Variants in ATP10D observed in about 807,000 individuals in gnomAD.
The protein encoded by ATP10D is phospholipid-transporting ATPase VD.
Under a neutral mutation model 144.8 loss-of-function variants are expected in ATP10D, and 89 were observed. That is an observed-to-expected ratio of 0.61 (90% CI 0.52 to 0.73). ATP10D has a LOEUF of 0.73. Ranked by LOEUF, ATP10D falls within the 30% of genes least tolerant of loss-of-function variation. The probability of loss-of-function intolerance (pLI) is 0.00; values close to 1 mark genes in which losing one functional copy is unlikely to be tolerated. For missense variants in ATP10D, 1,603 were observed against 1,714.8 expected, an observed-to-expected ratio of 0.93 and a Z score of 1.15; for synonymous variants, 571 against 615.1, an observed-to-expected ratio of 0.93 and a Z score of 1.06.
intron 1 of ATP10D, among the ~76,000 whole-genome samples, chr4:47,495,461 A>G (rs1162942665): frequency 6.6e-6 from 1 of 152,222 alleles, no homozygotes; most frequent in Admixed American, 6.5e-5. Flanking sequence ...ATTAAAATGA[A>G]GTTCTGTTTT....
chr4:47,586,679 C>T (rs1259133215), intron 21 of ATP10D, among the ~76,000 whole-genome samples: 1 of 151,974 alleles, frequency 6.6e-6, no homozygotes, highest in Non-Finnish European at 1.5e-5. Flanking sequence ...GAACCTGTTT[C>T]CAGTTAACAA....
intron 3 of ATP10D, among the ~76,000 whole-genome samples, chr4:47,521,488 C>G (rs1339620892): frequency 6.6e-6 from 1 of 152,156 alleles, no homozygotes. Flanking sequence ...TCATTCCTCC[C>G]CTGAATTATT....
chr4:47,588,888 AAATGAC>A (rs1720906848), intron 22 of ATP10D, among the ~76,000 whole-genome samples: 1 of 152,206 alleles, frequency 6.6e-6, no homozygotes, highest in East Asian at 1.9e-4. Flanking sequence ...GTATGCTAAA[AAATGAC>A]TCCCTAAAAG....
At chr4:47,516,781 A>G (rs1716711100) in intron 3 of ATP10D, among the ~76,000 whole-genome samples, 2 of 151,768 alleles carry the variant, frequency 1.3e-5, no homozygotes, top group Admixed American at 1.3e-4. Context: ...ACTCATGTCC[A>G]GTCTAAACGA....
At chr4:47,517,679 C>G (rs1316778001) in intron 3 of ATP10D, among the ~76,000 whole-genome samples, 1 of 152,094 alleles carries the variant, frequency 6.6e-6, no homozygotes, top group Non-Finnish European at 1.5e-5. Flanking sequence ...TGACTATTTG[C>G]TAGAGTTTAT....
intron 1 of ATP10D, among the ~76,000 whole-genome samples, chr4:47,500,607 C>T (rs975021311): frequency 6.6e-6 from 1 of 152,192 alleles, no homozygotes; most frequent in Non-Finnish European, 1.5e-5. Flanking sequence ...AAGAAGGGAG[C>T]TGCCATTAGC....
Position 47,509,488 on chromosome 4 carries a change from T to C in ATP10D, c.-37-3016T>C, listed in dbSNP as rs549684006. 6.6e-5 allele frequency among the ~76,000 whole-genome samples: 10 copies of C among 152,320 alleles called. No homozygotes were observed. The East Asian group carries it at 1.5e-3, about 23-fold the overall frequency. On this transcript the variant is annotated intron_variant, in intron 1 of 22. Transcript: ENST00000273859. ...GATGTTTTGATATGTGGATGTATTG[T>C]GGAATGGCTAGCTCAAGGTAATTAA...
intron 20 of ATP10D, among the ~76,000 whole-genome samples, chr4:47,581,322 C>T (rs1293428288): frequency 6.6e-6 from 1 of 152,118 alleles, no homozygotes; most frequent in Non-Finnish European, 1.5e-5. Context: ...ATACCCTTCT[C>T]CTAAAGAAAA....
intron 2 of ATP10D, among the ~76,000 whole-genome samples, chr4:47,515,055 G>A (rs1479352935): frequency 6.6e-6 from 1 of 151,998 alleles, no homozygotes; most frequent in Non-Finnish European, 1.5e-5. Flanking sequence ...CCGACTTCTG[G>A]GTTCAAGTGA....
chr4:47,500,011 A>C (rs1715600289), intron 1 of ATP10D, among the ~76,000 whole-genome samples: 1 of 152,240 alleles, frequency 6.6e-6, no homozygotes, highest in Admixed American at 6.5e-5. Flanking sequence ...AATGCCTGTT[A>C]TTATATCACA....
chr4:47,521,902 T>G (rs573771170), intron 3 of ATP10D, among the ~76,000 whole-genome samples: 27 of 152,320 alleles, frequency 1.8e-4, no homozygotes, highest in Non-Finnish European at 3.1e-4. Flanking sequence ...GTCCTGAAAA[T>G]GTACTTCTTA....
At position 47,561,007 on chromosome 4, in the gene ATP10D, G is replaced by A. The variant is rs147675892; in HGVS notation, c.2600G>A (p.Ser867Asn). The change falls in exon 14 of 23, where the codon AGC becomes AAC. Residue 867 changes from serine to asparagine, a missense_variant. Coordinates refer to ENST00000273859, the MANE Select transcript of ATP10D (RefSeq NM_020453.4). Reference sequence around the variant, plus strand: ...AGGAATCATTTTTTAGCTGAAACCAGCATTGACAACAGGGAAGAATTACTA... The same window carrying A: ...AGGAATCATTTTTTAGCTGAAACCAACATTGACAACAGGGAAGAATTACTA... ...WLRNHFLAET[S>N]IDNREELLLE... The A allele has an allele frequency of 2.9e-5, 47 of 1,613,936 alleles. No homozygotes were observed. Among genetic ancestry groups the A allele is most frequent in the Non-Finnish European group, 3.9e-5 (46 of 1,179,920 alleles).
chr4:47,590,771 A>C (rs1720990655), intron 22 of ATP10D, among the ~76,000 whole-genome samples: 1 of 152,116 alleles, frequency 6.6e-6, no homozygotes, highest in Non-Finnish European at 1.5e-5. Flanking sequence ...GCAACTATTT[A>C]TATCTCTACT....
rs758429900 is a variant in ATP10D, at chr4:47,591,118, C to T, written c.4018C>T (p.Pro1340Ser). The stretch of plus-strand genomic sequence containing the variant: ...AGCTAAGCACTTTGACAGACTAACT[C>T]CAGAGGAGAGGACTAAAGCTCTCAA... Reference protein sequence around the residue: ...LRAKHFDRLTPEERTKALKKW... With the variant: ...LRAKHFDRLTSEERTKALKKW... Residue 1340 changes from proline to serine, a missense_variant, in exon 23 of 23, where the codon CCA (proline) becomes TCA (serine). Physicochemically the swap from Pro to Ser is moderately conservative, Grantham distance 74 (BLOSUM62 -1). Transcript: ENST00000273859. The T allele has an allele frequency of 2.5e-6, 4 of 1,613,304 alleles. No homozygotes were observed. The highest frequency in any genetic ancestry group is 2.5e-6 in the Non-Finnish European group (3 of 1,179,504).
intron 22 of ATP10D, 58 bp from the exon 23 acceptor site, chr4:47,590,984 G>GGGC: frequency 8.4e-7 from 1 of 1,196,784 alleles, no homozygotes; most frequent in Admixed American, 2.5e-5. Context: ...TTTGGGGGGG[G>GGGC]GGGTTCTGTA....
chr4:47,536,447 C>T lies in ATP10D; in HGVS notation c.1026C>T (p.Ile342=), dbSNP rs1297085440. The T allele has an allele frequency of 1.9e-6, 3 of 1,613,190 alleles. No homozygotes were observed. The African/African-American group carries it at 4.0e-5, about 22-fold the overall frequency. Residue 342 remains isoleucine, a synonymous_variant, in exon 8 of 23, where the codon ATC becomes ATT. Coordinates refer to ENST00000273859, the MANE Select transcript of ATP10D (RefSeq NM_020453.4). The part of the protein sequence containing the change: ...MCLTGAVGHG[I]WLSRYEKMHF... The stretch of plus-strand genomic sequence containing the variant: ...TGTATTTTTTGAAAGGTCATGGAAT[C>T]TGGCTGAGCAGGTATGAAAAGATGC...
chr4:47,561,835 G>T (rs557356027), intron 14 of ATP10D, among the ~76,000 whole-genome samples: 2 of 152,142 alleles, frequency 1.3e-5, no homozygotes, highest in Non-Finnish European at 2.9e-5. Flanking sequence ...GGTCAAGTTT[G>T]AGAACCACTG....
chr4:47,486,066 G>A (rs372205017), intron 1 of ATP10D, among the ~76,000 whole-genome samples: 23 of 152,334 alleles, frequency 1.5e-4, no homozygotes, highest in African/African-American at 4.6e-4. Context: ...TTGTATTGGA[G>A]CTTTCTCGGA....
chr4:47,586,237 G>T (rs1363913932), intron 21 of ATP10D, among the ~76,000 whole-genome samples: 1 of 152,134 alleles, frequency 6.6e-6, no homozygotes, highest in African/African-American at 2.4e-5. Flanking sequence ...TTTCTTTCTA[G>T]ATAAAGTTAC....
Sources: gnomAD v4.1 joint callset for allele counts (sites outside exome capture counted in the v4.1 genomes callset) on GRCh38, gnomAD v4.1.1 for gene constraint, MANE v1.5 for transcripts, NCBI Gene and HGNC (gene_info 2026-07-23, HGNC 2026-07-21) for gene names.